UNC13B: variants seen among roughly 807,000 people sequenced by gnomAD.
UNC13B encodes protein unc-13 homolog B.
Under a neutral mutation model 211.0 loss-of-function variants are expected in UNC13B, and 144 were observed. That is an observed-to-expected ratio of 0.68 (90% CI 0.60 to 0.78). The LOEUF (loss-of-function observed/expected upper bound fraction) is 0.78, where lower values mean the gene tolerates loss of function less well. Among genes scored for constraint, UNC13B ranks in the 30% least tolerant of loss-of-function variants. UNC13B has a pLI of 0.00. For missense variants in UNC13B, 1,777 were observed against 2,002.0 expected (o/e 0.89, Z 2.14); for synonymous variants, 709 against 725.8 (o/e 0.98, Z 0.37).
intron 11 of UNC13B, among the ~76,000 whole-genome samples, chr9:35,326,956 A>T (rs888105548): frequency 2.0e-5 from 3 of 152,144 alleles, no homozygotes; most frequent in Non-Finnish European, 4.4e-5. Context: ...CATATTTTGG[A>T]TAGAAGTCCC....
At chr9:35,332,418 A>T (rs948041891) in intron 11 of UNC13B, among the ~76,000 whole-genome samples, 1 of 152,154 alleles carries the variant, frequency 6.6e-6, no homozygotes, top group African/African-American at 2.4e-5. Context: ...ATTTATATTA[A>T]AGTTACCATC....
At position 35,301,816 on chromosome 9, in the gene UNC13B, T is replaced by C. The variant is rs1474946341; in HGVS notation, c.2412T>C (p.Asp804=). ...PLEEDKVTGN[D]DFLEPLRKSF... The stretch of plus-strand genomic sequence containing the variant: ...AGGAGGACAAAGTTACAGGTAATGA[T>C]GATTTCCTTGAGCCACTCAGAAAAT... Residue 804 remains aspartate, a synonymous_variant, in exon 9 of 40, where the codon GAT becomes GAC. Coordinates refer to ENST00000635942, the MANE Select transcript of UNC13B (RefSeq NM_001371189.2). 1.5e-5 allele frequency: 6 copies of C among 398,768 alleles called. No individual in the cohort carries two copies. Among genetic ancestry groups the C allele is most frequent in the Non-Finnish European group, 2.7e-5 (6 of 225,920 alleles). The allele number at this position is 398,768 out of a possible 1,614,324, so 24.7% of individuals were successfully genotyped here.
At chr9:35,229,383 T>A (rs1825065567) in intron 2 of UNC13B, among the ~76,000 whole-genome samples, 1 of 152,218 alleles carries the variant, frequency 6.6e-6, no homozygotes, top group Non-Finnish European at 1.5e-5. Context: ...TTTCTGAGAA[T>A]CTGCTCTGTT....
chr9:35,305,572 G>A lies in UNC13B; in HGVS notation c.6168G>A (p.Arg2056=), dbSNP rs1454731826. ...LNKQTTIDDS[R]LEESTRGIQG... ...AACAGACTACTATCGATGACAGTAG[G>A]TTAGAGGAATCAACTAGAGGGATCC... The change falls in exon 9 of 40, where the codon AGG becomes AGA. Residue 2056 remains arginine (R), a synonymous_variant. Transcript: ENST00000635942. 4 of 398,828 alleles carry A rather than the reference G, an allele frequency of 1.0e-5. No homozygotes were observed. Among genetic ancestry groups the A allele is most frequent in the Non-Finnish European group, 1.8e-5 (4 of 226,020 alleles). The allele number at this position is 398,828 out of a possible 1,614,324, so 24.7% of individuals were successfully genotyped here. A position where few individuals can be genotyped will look rare whatever the true frequency, so the allele number is the denominator to read the frequency against.
At position 35,224,157 on chromosome 9, in the gene UNC13B, T is replaced by A. The variant is rs1237055259; in HGVS notation, c.23-3858T>A. On this transcript the variant is annotated intron_variant, in intron 1 of 39. Transcript: ENST00000635942. ...GGGTCTTTTGTGGTTTATATGAATT[T>A]TAGGATTGTTGTTTCTATTTCTCTG... is the stretch of plus-strand genomic sequence containing the variant. Among the ~76,000 whole-genome samples, 4 of 152,322 alleles carry A rather than the reference T, an allele frequency of 2.6e-5. No individual in the cohort carries two copies. In the East Asian group the frequency reaches 7.7e-4, roughly 29 times the overall value.
chr9:35,378,556 C>A, intron 17 of UNC13B, 120 bp downstream of exon 17: 1 of 1,314,924 alleles, frequency 7.6e-7, no homozygotes. Flanking sequence ...AAACTCATTT[C>A]TCGCATGCTT....
chr9:35,272,694 A>AGT (rs1207027052), intron 7 of UNC13B, among the ~76,000 whole-genome samples: 1 of 152,262 alleles, frequency 6.6e-6, no homozygotes, highest in Non-Finnish European at 1.5e-5. Context: ...AAGTTATTGT[A>AGT]GATTCACTTT....
At chr9:35,241,586 CACACACA>C (rs1223352917) in intron 5 of UNC13B, among the ~76,000 whole-genome samples, 3 of 146,902 alleles carry the variant, frequency 2.0e-5, no homozygotes, top group South Asian at 4.3e-4. Flanking sequence ...CACACACACA[CACACACA>C]CACCACCATC....
chr9:35,297,885 T>G (rs1829475769), intron 8 of UNC13B, among the ~76,000 whole-genome samples: 1 of 151,958 alleles, frequency 6.6e-6, no homozygotes, highest in African/African-American at 2.4e-5. Context: ...TTTAGTTTGA[T>G]CTCATGGTTA....
At chr9:35,341,117 G>A (rs980020227) in intron 11 of UNC13B, among the ~76,000 whole-genome samples, 2 of 152,156 alleles carry the variant, frequency 1.3e-5, no homozygotes, top group Non-Finnish European at 2.9e-5. Context: ...ACCTTAGGCA[G>A]CTTTTTGGTC....
At chr9:35,353,876 G>A (rs1442897122) in intron 11 of UNC13B, 1 of 1,053,544 alleles carries the variant, frequency 9.5e-7, no homozygotes, top group Non-Finnish European at 1.2e-6. Flanking sequence ...TGGCCAGCAT[G>A]AGACCTGGTG....
rs1822910886 is a variant in UNC13B at position 35,195,953 on chromosome 9, T to C, written c.23-32062T>C. ...ATAGCTGAATATGCAAATTAATTAT[T>C]GTAACCATGCTAATACACATACACA... On this transcript the variant is annotated intron_variant, in intron 1 of 39. Coordinates refer to ENST00000635942, the MANE Select transcript of UNC13B (RefSeq NM_001371189.2). Among the ~76,000 whole-genome samples the C allele has an allele frequency of 3.3e-5, 5 of 152,350 alleles. No individual in the cohort carries two copies. In the South Asian group the frequency reaches 1.0e-3, roughly 32 times the overall value.
chr9:35,204,250 C>G (rs978639411), intron 1 of UNC13B, among the ~76,000 whole-genome samples: 2 of 152,216 alleles, frequency 1.3e-5, no homozygotes, highest in African/African-American at 2.4e-5. Flanking sequence ...TATGGAAAAG[C>G]CTGGATGTCC....
intron 1 of UNC13B, among the ~76,000 whole-genome samples, chr9:35,181,603 G>A (rs576524494): frequency 3.7e-4 from 56 of 152,278 alleles, no homozygotes; most frequent in Non-Finnish European, 5.6e-4. Context: ...TTGGGAGGCC[G>A]GAGTGGGTGG....
chr9:35,209,525 G>A (rs1001777534), intron 1 of UNC13B, among the ~76,000 whole-genome samples: 5 of 151,790 alleles, frequency 3.3e-5, no homozygotes, highest in South Asian at 4.2e-4. Context: ...TTACAAGTGC[G>A]CACCACCACA....
At chr9:35,315,489 C>T (rs978942208) in intron 11 of UNC13B, among the ~76,000 whole-genome samples, 4 of 152,100 alleles carry the variant, frequency 2.6e-5, no homozygotes, top group Non-Finnish European at 1.5e-5. Flanking sequence ...CATTGCCTTC[C>T]CTCCATTATG....
Position 35,254,013 on chromosome 9 carries a change from A to G in UNC13B, c.469-4980A>G, listed in dbSNP as rs370230650. On this transcript the variant is annotated intron_variant, in intron 6 of 39. Coordinates refer to ENST00000635942, the MANE Select transcript of UNC13B (RefSeq NM_001371189.2). The stretch of plus-strand genomic sequence containing the variant: ...AAGTATAGAAATTGTTTTAATTTGT[A>G]TTTTCCTGTTTATTGGTGAGATTTA... Among the ~76,000 whole-genome samples the G allele has an allele frequency of 2.2e-4, 33 of 152,240 alleles. No individual in the cohort carries two copies. In the East Asian group the frequency reaches 5.8e-3, roughly 27 times the overall value.
At position 35,399,682 on chromosome 9, in the gene UNC13B, A is replaced by G; in HGVS notation, c.12289A>G (p.Thr4097Ala). ...HMVREETRNL[T>A]PKQCAVLDLA... ...GGTACGAGAGGAAACACGGAATCTC[A>G]CTCCAAAGCAGTGTGCAGTCCTTGA... Residue 4097 changes from threonine (T) to alanine (A), a missense_variant, in exon 36 of 40, where the codon ACT (threonine) becomes GCT (alanine). Transcript: ENST00000635942. 1 of 1,613,720 alleles carries G rather than the reference A, an allele frequency of 6.2e-7. No homozygotes were observed. The highest frequency in any genetic ancestry group is 8.5e-7 in the Non-Finnish European group (1 of 1,179,862).
chr9:35,366,919 C>A, intron 11 of UNC13B, 28 bp from the exon 12 acceptor site: 2 of 1,605,480 alleles, frequency 1.2e-6, no homozygotes, highest in Non-Finnish European at 1.7e-6. Flanking sequence ...TTCCCAGGAT[C>A]TAACTTGTTT....
Sources: allele counts gnomAD v4.1 joint callset (sites outside exome capture counted in the v4.1 genomes callset), GRCh38; gene constraint gnomAD v4.1.1; transcripts MANE v1.5; gene names NCBI Gene and HGNC (gene_info 2026-07-23, HGNC 2026-07-21).